The following EMSY variants were observed in gnomAD, a reference collection of about 807,000 sequenced individuals.
EMSY encodes EMSY transcriptional repressor, BRCA2 interacting, also known as BRCA2-interacting transcriptional repressor EMSY.
In EMSY, 26 loss-of-function variants were observed where a neutral mutation model predicts 134.6. That is an observed-to-expected ratio of 0.19 (90% confidence interval 0.14 to 0.27). The LOEUF (loss-of-function observed/expected upper bound fraction) is 0.27, where lower values mean the gene tolerates loss of function less well. Among genes scored for constraint, EMSY ranks in the 10% least tolerant of loss-of-function variants. The pLI, the probability that EMSY is intolerant of heterozygous loss-of-function variation, is 1.00. For synonymous variants in EMSY, 579 were observed against 577.8 expected (o/e 1.00, Z -0.03); for missense variants, 1,305 against 1,611.4 (o/e 0.81, Z 3.26).
chr11:76,535,249 C>T (rs933014811), intron 14 of EMSY, among the ~76,000 whole-genome samples: 1 of 152,202 alleles, frequency 6.6e-6, no homozygotes, highest in African/African-American at 2.4e-5. Context: ...AATCAACTTG[C>T]TAATAATTGA....
chr11:76,484,052 T>C (rs1949085145), intron 8 of EMSY, among the ~76,000 whole-genome samples: 2 of 152,196 alleles, frequency 1.3e-5, no homozygotes. Context: ...AAACAGTCTC[T>C]CAGACCACGG....
In EMSY at chr11:76,540,603, C is replaced by G. The variant is rs12283862; in HGVS notation, c.2557+963C>G. The stretch of plus-strand genomic sequence containing the variant: ...ATTTGTGAATATAGATAGAATGTGT[C>G]ATAAAAAATAAAGCCTATTTATATT... On this transcript the variant is annotated intron_variant, in intron 17 of 20. Transcript: ENST00000334736. 6.8e-3 allele frequency among the ~76,000 whole-genome samples: 1,040 copies of G among 152,232 alleles called. 11 individuals are homozygous for G. The highest frequency in any genetic ancestry group is 0.024 in the African/African-American group (984 of 41,554).
exon 10 of EMSY, chr11:76,513,471 C>G (rs1383643500): frequency 9.3e-6 from 15 of 1,613,662 alleles, no homozygotes; most frequent in Non-Finnish European, 1.3e-5. Context: ...GTAGCAATTC[C>G]CCTATTATGG....
intron 10 of EMSY, among the ~76,000 whole-genome samples, chr11:76,513,901 T>C (rs1313155042): frequency 6.6e-6 from 1 of 152,106 alleles, no homozygotes. Context: ...TCAGTCAGGA[T>C]TTGCTGAATG....
At chr11:76,478,041 C>T (rs180710464) in intron 8 of EMSY, among the ~76,000 whole-genome samples, 364 of 152,272 alleles carry the variant, frequency 2.4e-3, no homozygotes, top group Non-Finnish European at 4.3e-3. Flanking sequence ...TACGTTGTTT[C>T]CACAAATACT....
intron 3 of EMSY, among the ~76,000 whole-genome samples, chr11:76,452,756 A>G (rs1308348611): frequency 1.3e-5 from 2 of 152,230 alleles, no homozygotes; most frequent in African/African-American, 4.8e-5. Context: ...AATGTAGAAG[A>G]TATGCAGCTA....
intron 9 of EMSY, among the ~76,000 whole-genome samples, chr11:76,497,648 G>T (rs1565318403): frequency 6.6e-6 from 1 of 152,024 alleles, no homozygotes; most frequent in East Asian, 1.9e-4. Context: ...GCTTGTAGTA[G>T]TTCTTTACTA....
At chr11:76,486,674 A>G (rs186182971) in intron 8 of EMSY, among the ~76,000 whole-genome samples, 111 of 152,300 alleles carry the variant, frequency 7.3e-4, no homozygotes, top group Middle Eastern at 3.4e-3. Context: ...TTGCAAAAAA[A>G]TATACCTTCA....
intron 12 of EMSY, among the ~76,000 whole-genome samples, chr11:76,525,433 G>A (rs1048350025): frequency 6.6e-6 from 1 of 152,204 alleles, no homozygotes; most frequent in Non-Finnish European, 1.5e-5. Context: ...TTTACTGGCT[G>A]CTAAGTTTAG....
chr11:76,492,287 A>C (rs1347456597), intron 8 of EMSY, among the ~76,000 whole-genome samples: 2 of 152,142 alleles, frequency 1.3e-5, no homozygotes, highest in African/African-American at 4.8e-5. Flanking sequence ...CAGCCTGGCC[A>C]ACATGGTGAA....
chr11:76,472,678 A>G lies in EMSY; in HGVS notation c.946A>G (p.Thr316Ala), dbSNP rs117625538. ...ACCAACGTCAGTCATTGCTTCTACA[A>G]CCCAGAAGCCACCAGTTGTTATAAC... The change falls in exon 8 of 21, where the codon ACC becomes GCC. Residue 316 changes from threonine (T) to alanine (A), a missense_variant. Thr to Ala is a moderately conservative substitution (Grantham distance 58). Coordinates refer to ENST00000334736, the Ensembl canonical transcript of EMSY. 293 of 1,614,116 alleles carry G rather than the reference A, an allele frequency of 1.8e-4. 1 individual carries two copies. The East Asian group carries it at 6.0e-3, about 33-fold the overall frequency.
intron 9 of EMSY, among the ~76,000 whole-genome samples, chr11:76,505,538 G>A (rs1167098327): frequency 2.0e-5 from 3 of 151,232 alleles, no homozygotes; most frequent in Non-Finnish European, 4.4e-5. Flanking sequence ...AAGAATAGTG[G>A]TATTACTTCA....
At chr11:76,500,677 G>A (rs563043146) in intron 9 of EMSY, among the ~76,000 whole-genome samples, 17 of 152,294 alleles carry the variant, frequency 1.1e-4, no homozygotes, top group African/African-American at 2.4e-4. Context: ...GCTGGGTGTC[G>A]TCAAGGAAAG....
intron 14 of EMSY, among the ~76,000 whole-genome samples, chr11:76,535,209 T>A (rs1458821454): frequency 6.6e-6 from 1 of 152,118 alleles, no homozygotes; most frequent in Non-Finnish European, 1.5e-5. Context: ...TTTATTCCCA[T>A]TTTAGAGGTA....
chr11:76,449,082 T>C (rs1947544430), intron 2 of EMSY, among the ~76,000 whole-genome samples: 2 of 152,164 alleles, frequency 1.3e-5, no homozygotes, highest in African/African-American at 2.4e-5. Context: ...AATTGAGGGC[T>C]TTATATAAAT....
chr11:76,528,568 C>T (rs1950924006), intron 14 of EMSY, 102 bp downstream of exon 15: 3 of 663,126 alleles, frequency 4.5e-6, no homozygotes, highest in Non-Finnish European at 2.4e-6. Flanking sequence ...AATTTGTATG[C>T]TCTATCAATT....
intron 8 of EMSY, 90 bp downstream of exon 9, chr11:76,472,930 T>A: frequency 1.4e-6 from 2 of 1,388,502 alleles, no homozygotes; most frequent in Non-Finnish European, 2.0e-6. Context: ...GCTTTGGATA[T>A]GAAGGTCCCT....
intron 7 of EMSY, 56 bp downstream of exon 8, chr11:76,464,136 C>G (rs1413373611): frequency 2.5e-6 from 4 of 1,594,138 alleles, no homozygotes; most frequent in Admixed American, 1.7e-5. Context: ...CAGTATGATT[C>G]AGATTTAATA....
At chr11:76,534,928 T>G (rs959349610) in intron 14 of EMSY, among the ~76,000 whole-genome samples, 5 of 152,172 alleles carry the variant, frequency 3.3e-5, no homozygotes, top group Non-Finnish European at 7.4e-5. Flanking sequence ...CCAACTTGCT[T>G]ATTTTATAGG....
Sources: gnomAD v4.1 joint callset for allele counts (sites outside exome capture counted in the v4.1 genomes callset) on GRCh38, gnomAD v4.1.1 for gene constraint, MANE v1.5 for transcripts, NCBI Gene and HGNC (gene_info 2026-07-23, HGNC 2026-07-21) for gene names.